MAP2K6: variants seen among roughly 807,000 people sequenced by gnomAD.
The protein encoded by MAP2K6 is dual specificity mitogen-activated protein kinase kinase 6.
MAP2K6 carries 16 observed loss-of-function variants against 53.7 expected under a neutral mutation model. The ratio of observed to expected loss-of-function variants is 0.30; its 90% CI spans 0.20 to 0.45. The LOEUF (loss-of-function observed/expected upper bound fraction) is 0.45, where lower values mean the gene tolerates loss of function less well. Among genes scored for constraint, MAP2K6 ranks in the 20% least tolerant of loss-of-function variants. The pLI, the probability that MAP2K6 is intolerant of heterozygous loss-of-function variation, is 1.00. For synonymous variants in MAP2K6, 132 were observed against 143.1 expected (o/e 0.92, Z 0.55); for missense variants, 204 against 411.9 (o/e 0.50, Z 4.37).
At chr17:69,519,653 C>T (rs778852255) in intron 5 of MAP2K6, 16 of 502,070 alleles carry the variant, frequency 3.2e-5, no homozygotes, top group Non-Finnish European at 5.2e-5. Context: ...TGGAGTTTCT[C>T]GTCTCCTTTC....
rs567651150 is a variant in MAP2K6, at chr17:69,452,194, G to A, written c.16+37194G>A. On this transcript the variant is annotated intron_variant, in intron 1 of 11. Transcript: ENST00000590474. ...GGTTTTCATAACTGGGGTAGGGGGA[G>A]GGTGTTACTGGCATCTAGTGTGTAC... Among the ~76,000 whole-genome samples the A allele has an allele frequency of 4.0e-5, 6 of 151,480 alleles. No homozygotes were observed. The South Asian group carries it at 8.3e-4, about 21-fold the overall frequency.
At chr17:69,521,225 G>C in intron 7 of MAP2K6, 125 bp downstream of exon 7, 1 of 731,996 alleles carries the variant, frequency 1.4e-6, no homozygotes, top group African/African-American at 1.8e-5. Context: ...AGAACTAAGG[G>C]GCTTTCCTTT....
chr17:69,501,507 A>T (rs1909173976), intron 1 of MAP2K6, among the ~76,000 whole-genome samples: 1 of 152,044 alleles, frequency 6.6e-6, no homozygotes, highest in South Asian at 2.1e-4. Context: ...AGGCTTTTTA[A>T]ATTTTTTTTT....
intron 1 of MAP2K6, among the ~76,000 whole-genome samples, chr17:69,430,229 G>A (rs1335387024): frequency 2.0e-5 from 3 of 152,132 alleles, no homozygotes; most frequent in Non-Finnish European, 2.9e-5. Flanking sequence ...TCAGCTACTC[G>A]GGAGGCTGAG....
At chr17:69,434,610 G>C (rs1455954688) in intron 1 of MAP2K6, 1 of 152,168 alleles carries the variant, frequency 6.6e-6, no homozygotes, top group Non-Finnish European at 1.5e-5. Flanking sequence ...ATGCACCAAG[G>C]TTATGATAAA....
chr17:69,485,620 T>C (rs1243769461), intron 1 of MAP2K6: 2 of 175,868 alleles, frequency 1.1e-5, no homozygotes, highest in African/African-American at 4.8e-5. Flanking sequence ...CTATACTGAG[T>C]GCCTCTCACA....
chr17:69,470,707 C>T (rs142805302), intron 1 of MAP2K6, among the ~76,000 whole-genome samples: 187 of 152,352 alleles, frequency 1.2e-3, no homozygotes, highest in Admixed American at 3.6e-3. Flanking sequence ...AACTCCTCAA[C>T]GGCACTACCT....
In MAP2K6 at chr17:69,535,964, T is replaced by C. The variant is rs113040288; in HGVS notation, c.882-151T>C. ...GGTGATTTAAAACATGATACATAAG[T>C]GTTACAGAAGAGGAAAGTCAAGATA... On this transcript the variant is annotated intron_variant, in intron 10 of 11. Transcript: ENST00000590474. 1.3e-3 allele frequency: 768 copies of C among 602,348 alleles called. 8 individuals are homozygous for C. The highest frequency in any genetic ancestry group is 0.013 in the African/African-American group (668 of 53,038). 37.3% of individuals were successfully genotyped at this position (602,348 alleles called of 1,614,324 possible).
intron 1 of MAP2K6, among the ~76,000 whole-genome samples, chr17:69,438,918 G>A (rs1021540081): frequency 6.6e-6 from 1 of 152,134 alleles, no homozygotes; most frequent in Non-Finnish European, 1.5e-5. Context: ...CGAGTCAAAA[G>A]AATATTTTAT....
At chr17:69,538,727 C>G (rs184058296) in intron 11 of MAP2K6, among the ~76,000 whole-genome samples, 3 of 152,316 alleles carry the variant, frequency 2.0e-5, no homozygotes, top group African/African-American at 7.2e-5. Context: ...GGTGTGTATT[C>G]TTTAAGATCA....
intron 1 of MAP2K6, among the ~76,000 whole-genome samples, chr17:69,418,964 C>T (rs980595990): frequency 6.6e-5 from 10 of 152,044 alleles, no homozygotes; most frequent in African/African-American, 2.2e-4. Context: ...AGTCATACCA[C>T]CCAGAGCTAA....
intron 1 of MAP2K6, chr17:69,433,138 C>G (rs954224594): frequency 6.6e-6 from 1 of 152,188 alleles, no homozygotes; most frequent in African/African-American, 2.4e-5. Context: ...AGATATCAGG[C>G]AAAATCTAAA....
rs1318379215 is a variant in MAP2K6 at position 69,467,349 on chromosome 17, C to G, written c.17-38431C>G. Among the ~76,000 whole-genome samples the G allele has an allele frequency of 5.3e-5, 8 of 152,326 alleles. No homozygotes were observed. The East Asian group carries it at 1.5e-3, about 29-fold the overall frequency. On this transcript the variant is annotated intron_variant, in intron 1 of 11. Coordinates refer to ENST00000590474, the MANE Select transcript of MAP2K6 (RefSeq NM_002758.4). ...TAATACTTAATGATATCTGACTGCTCTGCTCTGCAGGGAGCACAGCCATGT... is the reference window on the plus strand; with the variant it reads ...TAATACTTAATGATATCTGACTGCTGTGCTCTGCAGGGAGCACAGCCATGT...
chr17:69,439,230 G>A (rs987549049), intron 1 of MAP2K6, among the ~76,000 whole-genome samples: 9 of 152,114 alleles, frequency 5.9e-5, no homozygotes, highest in African/African-American at 1.9e-4. Context: ...TTTCCTATGA[G>A]GTCTCCATCT....
At chr17:69,520,852 T>C (rs1344698747) in intron 6 of MAP2K6, 197 bp from the exon 7 acceptor site, 1 of 494,160 alleles carries the variant, frequency 2.0e-6, no homozygotes, top group Non-Finnish European at 3.6e-6. Context: ...TCCTCTCTGA[T>C]ATAAGATACA....
intron 2 of MAP2K6, among the ~76,000 whole-genome samples, chr17:69,512,433 G>A (rs963833689): frequency 8.6e-5 from 12 of 139,634 alleles, no homozygotes; most frequent in African/African-American, 3.2e-4. Flanking sequence ...TCCGCCTCTT[G>A]GGTCCAAGCG....
chr17:69,492,275 T>C (rs1303378626), intron 1 of MAP2K6, among the ~76,000 whole-genome samples: 1 of 152,230 alleles, frequency 6.6e-6, no homozygotes, highest in African/African-American at 2.4e-5. Flanking sequence ...AGGGTTTTTA[T>C]AGTTTTGGGT....
At position 69,521,275 on chromosome 17, in the gene MAP2K6, A is replaced by G. The variant is rs924234833; in HGVS notation, c.535+175A>G. On this transcript the variant is annotated intron_variant, in intron 7 of 11. Transcript: ENST00000590474. ...AACCATATAAGTAGTATTCCTTATC[A>G]TGGCTGAGGACATAAGAAGAAGACG... 9 of 485,482 alleles carry G rather than the reference A, an allele frequency of 1.9e-5. No individual in the cohort carries two copies. The Admixed American group carries it at 3.5e-4, about 19-fold the overall frequency. The allele number at this position is 485,482 out of a possible 1,614,324, so 30.1% of individuals were successfully genotyped here.
intron 4 of MAP2K6, 21 bp from the exon 5 acceptor site, chr17:69,519,292 T>G: frequency 6.2e-7 from 1 of 1,610,576 alleles, no homozygotes; most frequent in East Asian, 2.2e-5. Flanking sequence ...AACCATAAAT[T>G]TTCCATGCAT....
Sources: allele counts gnomAD v4.1 joint callset (sites outside exome capture counted in the v4.1 genomes callset), GRCh38; gene constraint gnomAD v4.1.1; transcripts MANE v1.5; gene names NCBI Gene and HGNC (gene_info 2026-07-23, HGNC 2026-07-21).